IPO7: variants seen among roughly 807,000 people sequenced by gnomAD.
IPO7 encodes the protein importin 7, also known as importin-7.
IPO7 carries 13 observed loss-of-function variants against 136.4 expected under a neutral mutation model. The ratio of observed to expected loss-of-function variants is 0.10; its 90% CI spans 0.06 to 0.15. The LOEUF (loss-of-function observed/expected upper bound fraction) is 0.15. Ranked by LOEUF, IPO7 falls within the 10% of genes least tolerant of loss-of-function variation. The probability of loss-of-function intolerance (pLI) is 1.00; values close to 1 mark genes in which losing one functional copy is unlikely to be tolerated. For missense variants in IPO7, 857 were observed against 1,240.6 expected (o/e 0.69, Z 4.65); for synonymous variants, 403 against 404.4 (o/e 1.00, Z 0.04).
At chr11:9,434,442 A>G (rs2133761233) in intron 18 of IPO7, among the ~76,000 whole-genome samples, 1 of 152,302 alleles carries the variant, frequency 6.6e-6, no homozygotes, top group South Asian at 2.1e-4. Flanking sequence ...TTTAAGTACA[A>G]AGAAAATCAC....
At chr11:9,386,721 AC>A (rs1423515480) in intron 1 of IPO7, among the ~76,000 whole-genome samples, 1 of 152,204 alleles carries the variant, frequency 6.6e-6, no homozygotes, top group Non-Finnish European at 1.5e-5. Flanking sequence ...GGGGTATTTC[AC>A]AAGCTAGTTT....
At position 9,409,928 on chromosome 11, in the gene IPO7, G is replaced by T. The variant is rs144766309; in HGVS notation, c.321G>T (p.Arg107Ser). 1 of 1,510,866 alleles carries T rather than the reference G, an allele frequency of 6.6e-7. No homozygotes were observed. Among genetic ancestry groups the T allele is most frequent in the Non-Finnish European group, 8.8e-7 (1 of 1,130,558 alleles). 93.6% of individuals were successfully genotyped at this position (1,510,866 alleles called of 1,614,324 possible). ...CTTACTGTTTTTTTTTGGCTTCCAG[G>T]GTACAGCTTACTACATGCATTCATC... ...EAIIHSPELI[R>S]VQLTTCIHHI... The change falls in exon 4 of 25, where the codon AGG becomes AGT. Residue 107 changes from arginine (R) to serine (S), a missense_variant and splice_region_variant. Arg to Ser is a moderately radical substitution (Grantham distance 110). This residue lies in a region of IPO7 where 287 missense variants were observed against 307.5 expected (regional missense o/e 0.93). Transcript: ENST00000379719.
chr11:9,440,466 A>G lies in IPO7; in HGVS notation c.2707A>G (p.Ser903Gly). Reference protein sequence around the residue: ...EDDDETEELGSDEDDIDEDGQ... With the variant: ...EDDDETEELGGDEDDIDEDGQ... ...TTATGACTTGGCAGAGGAACTGGGGAGTGATGAAGATGATATTGATGAAGA... is the reference window on the plus strand; with the variant it reads ...TTATGACTTGGCAGAGGAACTGGGGGGTGATGAAGATGATATTGATGAAGA... Residue 903 changes from serine to glycine, a missense_variant, in exon 23 of 25, where the codon AGT becomes GGT. Ser to Gly is a moderately conservative substitution (Grantham distance 56, BLOSUM62 0). Around this residue, in one of 11 missense-constraint regions of IPO7, gnomAD observed 119 missense variants for 155.5 expected, o/e 0.77. Transcript: ENST00000379719. 6.2e-7 allele frequency: 1 copy of G among 1,613,046 alleles called. No homozygotes were observed. Among genetic ancestry groups the G allele is most frequent in the Non-Finnish European group, 8.5e-7 (1 of 1,179,104 alleles).
At chr11:9,428,949 A>G in intron 13 of IPO7, 82 bp from the exon 14 acceptor site, 1 of 1,280,732 alleles carries the variant, frequency 7.8e-7, no homozygotes, top group Non-Finnish European at 1.1e-6. Context: ...AAATTCCCAC[A>G]CACAGAACTC....
chr11:9,403,418 A>C (rs1409773430), intron 2 of IPO7, 47 bp downstream of exon 2: 1 of 1,424,092 alleles, frequency 7.0e-7, no homozygotes, highest in Non-Finnish European at 9.9e-7. Flanking sequence ...ATTGTTTAAA[A>C]GGTTCATAAT....
At position 9,414,619 on chromosome 11, in the gene IPO7, CTTTT is replaced by C. The variant is rs1164303193; in HGVS notation, c.636+232_636+235del. The C allele has an allele frequency of 4.6e-4, 33 of 71,340 alleles. No individual in the cohort carries two copies. In the South Asian group the frequency reaches 5.0e-3, roughly 11 times the overall value. The allele number at this position is 71,340 out of a possible 1,614,324, so 4.4% of individuals were successfully genotyped here. On this transcript the variant is annotated intron_variant, in intron 5 of 24. Transcript: ENST00000379719. ...AAATACATAAACAACCCTAATGAAT[CTTTT>C]TTTTTTTTTTTTTTTTTTTTTTTGA... is the stretch of plus-strand genomic sequence containing the variant.
intron 1 of IPO7, among the ~76,000 whole-genome samples, chr11:9,400,668 C>T (rs1364960970): frequency 4.0e-5 from 6 of 151,834 alleles, no homozygotes; most frequent in Non-Finnish European, 7.4e-5. Context: ...GTGGTCCGCC[C>T]GCCTCGGCCT....
chr11:9,428,290 G>A (rs1393043117), intron 12 of IPO7, among the ~76,000 whole-genome samples: 2 of 152,082 alleles, frequency 1.3e-5, no homozygotes, highest in Admixed American at 6.6e-5. Flanking sequence ...TACATCATTC[G>A]AACACTATTG....
chr11:9,439,037 T>C (rs1446297473), intron 22 of IPO7, among the ~76,000 whole-genome samples: 1 of 152,160 alleles, frequency 6.6e-6, no homozygotes, highest in East Asian at 1.9e-4. Flanking sequence ...TACTTGGAAG[T>C]CTGAGGTATC....
At chr11:9,439,575 G>T (rs1590454692) in intron 22 of IPO7, among the ~76,000 whole-genome samples, 1 of 150,230 alleles carries the variant, frequency 6.7e-6, no homozygotes, top group East Asian at 2.0e-4. Flanking sequence ...TTTTTTGTTT[G>T]TTTTTTTTTG....
rs555991690 is a variant in IPO7, at chr11:9,447,214, A to T, written c.*2020A>T. The T allele has an allele frequency of 6.6e-6, 1 of 152,202 alleles. No homozygotes were observed. The highest frequency in any genetic ancestry group is 6.5e-5 in the Admixed American group (1 of 15,276). The allele number at this position is 152,202 out of a possible 1,614,324, so 9.4% of individuals were successfully genotyped here. A position where few individuals can be genotyped will look rare whatever the true frequency, so the allele number is the denominator to read the frequency against. On this transcript the variant is annotated 3_prime_UTR_variant, in exon 25 of 25. Transcript: ENST00000379719. ...TTCACATTATTGTTAATGGAAAATC[A>T]TATCTAATAAAGGTTTTAGTTATTC...
intron 3 of IPO7, among the ~76,000 whole-genome samples, chr11:9,408,999 A>C (rs1456020714): frequency 7.2e-5 from 11 of 151,852 alleles, no homozygotes; most frequent in Non-Finnish European, 1.0e-4. Context: ...GGCGTGAACC[A>C]CTGCACCCGG....
chr11:9,411,247 A>G (rs1564996187), intron 4 of IPO7, among the ~76,000 whole-genome samples: 4 of 152,192 alleles, frequency 2.6e-5, no homozygotes, highest in African/African-American at 4.8e-5. Flanking sequence ...AATTCAGTTC[A>G]TTTTCAGCCA....
rs539735525 is a variant in IPO7 at position 9,436,471 on chromosome 11, T to C, written c.2268+105T>C. ...GTTGCATATTCTGTATGTTTTTGTTTATTGAGACATCTAGACAACTAATAT... is the reference window on the plus strand; with the variant it reads ...GTTGCATATTCTGTATGTTTTTGTTCATTGAGACATCTAGACAACTAATAT... On this transcript the variant is annotated intron_variant, in intron 20 of 24. Transcript: ENST00000379719. 376 of 666,138 alleles carry C rather than the reference T, an allele frequency of 5.6e-4. No homozygotes were observed. The African/African-American group carries it at 6.1e-3, about 11-fold the overall frequency. 41.3% of individuals were successfully genotyped at this position (666,138 alleles called of 1,614,324 possible). A position where few individuals can be genotyped will look rare whatever the true frequency, so the allele number is the denominator to read the frequency against.
intron 19 of IPO7, 24 bp downstream of exon 19, chr11:9,435,055 T>A: frequency 7.6e-7 from 1 of 1,320,024 alleles, no homozygotes; most frequent in East Asian, 2.3e-5. Context: ...ATATATCAGA[T>A]TTCATGAGGC....
chr11:9,440,197 G>A (rs1855443481), intron 22 of IPO7, among the ~76,000 whole-genome samples: 2 of 152,158 alleles, frequency 1.3e-5, no homozygotes, highest in South Asian at 2.1e-4. Context: ...TGGGTGTAAC[G>A]GTAGTGTGTT....
At chr11:9,430,354 T>C (rs1855276066) in intron 15 of IPO7, 1 of 155,126 alleles carries the variant, frequency 6.4e-6, no homozygotes, top group Non-Finnish European at 1.4e-5. Context: ...AAATGGTTTA[T>C]TGCCTAAGCT....
chr11:9,422,322 T>G lies in IPO7; in HGVS notation c.907-684T>G, dbSNP rs1855144989. Among the ~76,000 whole-genome samples the G allele has an allele frequency of 2.0e-5, 3 of 151,736 alleles. No homozygotes were observed. The South Asian group carries it at 6.2e-4, about 32-fold the overall frequency. On this transcript the variant is annotated intron_variant, in intron 8 of 24. Transcript: ENST00000379719. Reference sequence around the variant, plus strand: ...AAATACTGTGAATTTAATATCATACTCTTGATTCAAATAAGGCATCAGAAC... The same window carrying G: ...AAATACTGTGAATTTAATATCATACGCTTGATTCAAATAAGGCATCAGAAC...
At chr11:9,440,710 G>C (rs1378005604) in intron 23 of IPO7, 49 bp downstream of exon 23, 1 of 1,382,136 alleles carries the variant, frequency 7.2e-7, no homozygotes, top group Non-Finnish European at 1.0e-6. Flanking sequence ...CAAATCTGTT[G>C]TAGTTTCTGC....
Sources: gnomAD v4.1 joint callset for allele counts (sites outside exome capture counted in the v4.1 genomes callset) on GRCh38, gnomAD v4.1.1 for gene constraint, gnomAD v4.1.1 regional missense constraint, MANE v1.5 for transcripts, NCBI Gene and HGNC (gene_info 2026-07-23, HGNC 2026-07-21) for gene names.